Variants in CDC14A observed in about 807,000 individuals in gnomAD.
The protein encoded by CDC14A is cell division cycle 14A.
A neutral mutation model predicts 74.4 loss-of-function variants in CDC14A; 53 were observed. That is an observed-to-expected ratio of 0.71 (90% CI 0.57 to 0.89). The LOEUF (loss-of-function observed/expected upper bound fraction) is 0.89, where lower values mean the gene tolerates loss of function less well. Among genes scored for constraint, CDC14A ranks in the 40% least tolerant of loss-of-function variants. The probability of loss-of-function intolerance (pLI) is 0.00; values close to 1 mark genes in which losing one functional copy is unlikely to be tolerated. For missense variants in CDC14A, 646 were observed against 713.7 expected (o/e 0.91, Z 1.08); for synonymous variants, 247 against 258.4 (o/e 0.96, Z 0.43).
At chr1:100,391,931 C>T (rs564924182) in intron 4 of CDC14A, among the ~76,000 whole-genome samples, 7 of 152,244 alleles carry the variant, frequency 4.6e-5, no homozygotes, top group African/African-American at 1.7e-4. Flanking sequence ...CCCCTTGTGG[C>T]AGCATTCTTT....
chr1:100,386,247 T>C (rs1656852261), intron 3 of CDC14A, among the ~76,000 whole-genome samples: 1 of 152,120 alleles, frequency 6.6e-6, no homozygotes, highest in African/African-American at 2.4e-5. Flanking sequence ...TGGCTGCAGA[T>C]TGTGATTTGT....
At position 100,467,992 on chromosome 1, in the gene CDC14A, A is replaced by T; in HGVS notation, c.875A>T (p.Tyr292Phe). Residue 292 changes from tyrosine (Y) to phenylalanine (F), a missense_variant, in exon 10 of 16, where the codon TAT (tyrosine) becomes TTT (phenylalanine). By Grantham distance (22) the Tyr-to-Phe change is conservative. Coordinates refer to ENST00000336454, the MANE Select transcript of CDC14A (RefSeq NM_003672.4). ...LGRTGTLIAC[Y>F]VMKHYRFTHA... ...AGAACAGGGACATTGATAGCCTGTT[A>T]TGTAATGAAACACTACAGGTTTACA... 1.2e-6 allele frequency: 2 copies of T among 1,609,994 alleles called. No individual in the cohort carries two copies. Among genetic ancestry groups the T allele is most frequent in the African/African-American group, 1.3e-5 (1 of 74,682 alleles).
chr1:100,504,713 T>C, intron 15 of CDC14A: 1 of 838,272 alleles, frequency 1.2e-6, no homozygotes, highest in Non-Finnish European at 1.9e-6. Context: ...AATACTGACT[T>C]TCTTTGTTGA....
chr1:100,404,832 AAAAACAAAAC>A (rs368610741), intron 4 of CDC14A, among the ~76,000 whole-genome samples: 22 of 121,686 alleles, frequency 1.8e-4, no homozygotes, highest in South Asian at 7.3e-4. Context: ...TCCGTCTCAA[AAAAACAAAAC>A]AAAACAAAAC....
intron 7 of CDC14A, among the ~76,000 whole-genome samples, chr1:100,448,168 C>G (rs866732548): frequency 1.3e-5 from 2 of 152,124 alleles, no homozygotes; most frequent in South Asian, 2.1e-4. Context: ...TTCAAGGAGT[C>G]TCCTTAAATA....
At position 100,499,891 on chromosome 1, in the gene CDC14A, C is replaced by A. The variant is rs28364900; in HGVS notation, c.1755+629C>A. Reference sequence around the variant, plus strand: ...GGTACCTGGGATGCAAGGTGGGGAGCAAGCAGAGTATCAGGAAGGTGTTTA... The same window carrying A: ...GGTACCTGGGATGCAAGGTGGGGAGAAAGCAGAGTATCAGGAAGGTGTTTA... On this transcript the variant is annotated intron_variant, in intron 15 of 15. Transcript: ENST00000336454. Among the ~76,000 whole-genome samples, 872 of 152,144 alleles carry A rather than the reference C, an allele frequency of 5.7e-3. 8 individuals carry two copies. The highest frequency in any genetic ancestry group is 0.01 in the Non-Finnish European group (710 of 67,986).
intron 3 of CDC14A, among the ~76,000 whole-genome samples, chr1:100,382,166 G>A (rs1324753443): frequency 6.8e-6 from 1 of 147,456 alleles, no homozygotes; most frequent in South Asian, 2.2e-4. Flanking sequence ...ACTAACAAAA[G>A]ACAAAGTTGT....
At chr1:100,391,948 C>T (rs1657774606) in intron 4 of CDC14A, among the ~76,000 whole-genome samples, 2 of 152,210 alleles carry the variant, frequency 1.3e-5, no homozygotes, top group South Asian at 2.1e-4. Flanking sequence ...CTTTCTTGCT[C>T]TGTAGATAGC....
At chr1:100,364,087 C>T (rs189220966) in intron 2 of CDC14A, among the ~76,000 whole-genome samples, 55 of 152,116 alleles carry the variant, frequency 3.6e-4, no homozygotes, top group African/African-American at 1.3e-3. Flanking sequence ...CATGAGCATG[C>T]CACAGCACTC....
intron 2 of CDC14A, among the ~76,000 whole-genome samples, chr1:100,369,106 C>T (rs1654058176): frequency 6.9e-6 from 1 of 145,170 alleles, no homozygotes; most frequent in South Asian, 2.1e-4. Flanking sequence ...GAGATGGAGT[C>T]TCGCTCTGTC....
chr1:100,490,969 T>C (rs900680083), intron 11 of CDC14A, among the ~76,000 whole-genome samples: 2 of 152,174 alleles, frequency 1.3e-5, no homozygotes, highest in Non-Finnish European at 2.9e-5. Flanking sequence ...GGAGGGCAAT[T>C]TGATCATATG....
intron 9 of CDC14A, among the ~76,000 whole-genome samples, chr1:100,466,406 G>A (rs759989031): frequency 6.6e-6 from 1 of 152,154 alleles, no homozygotes; most frequent in African/African-American, 2.4e-5. Context: ...GAAATAGAAG[G>A]CAAATTACGC....
At chr1:100,489,419 T>C (rs1010579133) in intron 11 of CDC14A, among the ~76,000 whole-genome samples, 1 of 152,196 alleles carries the variant, frequency 6.6e-6, no homozygotes, top group Non-Finnish European at 1.5e-5. Context: ...TTCCACAGCC[T>C]TTCCTATAGC....
At chr1:100,424,201 G>A in intron 4 of CDC14A, 21 bp from the exon 5 acceptor site, 1 of 1,566,470 alleles carries the variant, frequency 6.4e-7, no homozygotes, top group South Asian at 1.1e-5. Flanking sequence ...TGTTCTAAAT[G>A]TTACTATTTA....
chr1:100,435,186 TA>T (rs1664180526), intron 5 of CDC14A, among the ~76,000 whole-genome samples: 3 of 152,194 alleles, frequency 2.0e-5, no homozygotes, highest in Admixed American at 2.0e-4. Context: ...GTTTGACTTT[TA>T]AAGACTGGGA....
chr1:100,364,955 C>T (rs1324962465), intron 2 of CDC14A, among the ~76,000 whole-genome samples: 4 of 152,170 alleles, frequency 2.6e-5, no homozygotes, highest in Non-Finnish European at 5.9e-5. Context: ...GACACCTGAC[C>T]TGACCAGTAT....
intron 10 of CDC14A, among the ~76,000 whole-genome samples, chr1:100,469,186 T>G (rs1391392703): frequency 6.6e-6 from 1 of 152,236 alleles, no homozygotes; most frequent in African/African-American, 2.4e-5. Flanking sequence ...ATCATGAATT[T>G]CATAGGAAGA....
At chr1:100,415,927 A>G (rs1661483317) in intron 4 of CDC14A, among the ~76,000 whole-genome samples, 1 of 152,220 alleles carries the variant, frequency 6.6e-6, no homozygotes, top group Non-Finnish European at 1.5e-5. Flanking sequence ...GTCACTGGAT[A>G]TAATGGGAGG....
intron 3 of CDC14A, among the ~76,000 whole-genome samples, chr1:100,378,610 A>G (rs1259384323): frequency 6.6e-6 from 1 of 152,180 alleles, no homozygotes; most frequent in Non-Finnish European, 1.5e-5. Flanking sequence ...GAATTTACAA[A>G]TTTTTGCCAT....
Sources: allele counts gnomAD v4.1 joint callset (sites outside exome capture counted in the v4.1 genomes callset), GRCh38; gene constraint gnomAD v4.1.1; transcripts MANE v1.5; gene names NCBI Gene and HGNC (gene_info 2026-07-23, HGNC 2026-07-21).